Variants in L3MBTL4 observed in about 807,000 individuals in gnomAD.
L3MBTL4 encodes L3MBTL histone methyl-lysine binding protein 4, also known as lethal(3)malignant brain tumor-like protein 4.
L3MBTL4 carries 70 observed loss-of-function variants against 84.5 expected under a neutral mutation model. The ratio of observed to expected loss-of-function variants is 0.83; its 90% CI spans 0.68 to 1.01. The LOEUF is 1.01. L3MBTL4 is among the 50% of genes least tolerant of loss of function. The pLI is 0.00. For synonymous variants in L3MBTL4, 274 were observed against 259.8 expected, an observed-to-expected ratio of 1.05 and a Z score of -0.52; for missense variants, 715 against 754.8, an observed-to-expected ratio of 0.95 and a Z score of 0.62.
chr18:6,138,680 T>A (rs1479602582), intron 13 of L3MBTL4, among the ~76,000 whole-genome samples: 1 of 152,100 alleles, frequency 6.6e-6, no homozygotes, highest in Non-Finnish European at 1.5e-5. Flanking sequence ...GCCTCCTGAG[T>A]AGCTGGAATT....
chr18:5,958,114 AG>A (rs1457914264), intron 18 of L3MBTL4, among the ~76,000 whole-genome samples: 8 of 67,590 alleles, frequency 1.2e-4, no homozygotes, highest in Middle Eastern at 6.0e-3. Context: ...AAGAAGAAGA[AG>A]AAGAAGAAGA....
chr18:6,392,352 C>T (rs1599885063), intron 1 of L3MBTL4, among the ~76,000 whole-genome samples: 1 of 152,168 alleles, frequency 6.6e-6, no homozygotes, highest in East Asian at 1.9e-4. Flanking sequence ...AGTTCAAGAC[C>T]AGCCTGGCCA....
In L3MBTL4 at chr18:6,093,514, G is replaced by C. The variant is rs751857358; in HGVS notation, c.1214C>G (p.Pro405Arg). Residue 405 changes from proline (P) to arginine (R), a missense_variant, in exon 15 of 19, where the codon CCG becomes CGG. Coordinates refer to ENST00000317931, the MANE Select transcript of L3MBTL4 (RefSeq NM_001330559.2). ...CTTTTTCAAGTTCATGTCTGAATACGGGCAGCCAAAAGCACTGGTTTGTAT... is the reference window on the plus strand; with the variant it reads ...CTTTTTCAAGTTCATGTCTGAATACCGGCAGCCAAAAGCACTGGTTTGTAT... ...YSGHHSAFGC[P>R]YSDMNLKKEA... 1.2e-6 allele frequency: 2 copies of C among 1,612,588 alleles called. No individual in the cohort carries two copies. Among genetic ancestry groups the C allele is most frequent in the African/African-American group, 2.7e-5 (2 of 74,862 alleles).
intron 16 of L3MBTL4, among the ~76,000 whole-genome samples, chr18:5,979,022 C>T (rs1009146865): frequency 6.6e-6 from 1 of 152,188 alleles, no homozygotes; most frequent in African/African-American, 2.4e-5. Context: ...CCCGGCACAG[C>T]ACCTGGTACA....
At chr18:6,225,637 G>A (rs959969140) in intron 10 of L3MBTL4, among the ~76,000 whole-genome samples, 4 of 151,764 alleles carry the variant, frequency 2.6e-5, no homozygotes, top group African/African-American at 7.3e-5. Flanking sequence ...GTACACACCT[G>A]TAGTCCCAGC....
intron 12 of L3MBTL4, among the ~76,000 whole-genome samples, chr18:6,198,347 A>G (rs2045499082): frequency 6.6e-6 from 1 of 152,186 alleles, no homozygotes; most frequent in African/African-American, 2.4e-5. Context: ...TTTACCAGAG[A>G]AAGAGAGAAC....
rs540183711 is a variant in L3MBTL4, at chr18:5,992,108, G to T, written c.1445-22546C>A. 5.9e-5 allele frequency among the ~76,000 whole-genome samples: 9 copies of T among 152,306 alleles called. No individual in the cohort carries two copies. The East Asian group carries it at 1.7e-3, about 29-fold the overall frequency. ...TTTACCCTCATGAACTCATGGTCCA[G>T]CAGGAAGGGCATATGTGGAAAGAAT... is the stretch of plus-strand genomic sequence containing the variant. On this transcript the variant is annotated intron_variant, in intron 16 of 18. Transcript: ENST00000317931.
chr18:6,253,857 T>C (rs1330938269), intron 5 of L3MBTL4, among the ~76,000 whole-genome samples: 1 of 152,260 alleles, frequency 6.6e-6, no homozygotes, highest in Non-Finnish European at 1.5e-5. Flanking sequence ...TTACCTGAGT[T>C]AACAGTGGCA....
chr18:6,201,968 T>C (rs749804014), intron 12 of L3MBTL4, among the ~76,000 whole-genome samples: 69 of 152,308 alleles, frequency 4.5e-4, no homozygotes, highest in South Asian at 6.2e-4. Context: ...AGCCTAAAGG[T>C]TTCTCTGTAC....
intron 1 of L3MBTL4, among the ~76,000 whole-genome samples, chr18:6,345,625 GA>G (rs2052860346): frequency 1.3e-5 from 2 of 151,738 alleles, no homozygotes; most frequent in Admixed American, 6.6e-5. Flanking sequence ...CCAAGAGGGT[GA>G]AAAATCTACA....
intron 1 of L3MBTL4, among the ~76,000 whole-genome samples, chr18:6,357,678 G>GA (rs935419481): frequency 9.9e-5 from 15 of 151,290 alleles, no homozygotes; most frequent in South Asian, 2.1e-4. Flanking sequence ...CAAGACTTTT[G>GA]AAAAAAAACA....
intron 16 of L3MBTL4, among the ~76,000 whole-genome samples, chr18:5,995,602 A>C (rs927643218): frequency 1.3e-5 from 2 of 152,240 alleles, no homozygotes; most frequent in African/African-American, 4.8e-5. Flanking sequence ...TATTTCACCC[A>C]TGCGACCAAG....
At chr18:6,235,104 TG>T (rs1050921278) in intron 10 of L3MBTL4, among the ~76,000 whole-genome samples, 1 of 151,936 alleles carries the variant, frequency 6.6e-6, no homozygotes, top group Non-Finnish European at 1.5e-5. Flanking sequence ...CACTCATAGG[TG>T]GGAATTGAAC....
chr18:6,260,039 A>C (rs2048327878), intron 5 of L3MBTL4: 1 of 152,186 alleles, frequency 6.6e-6, no homozygotes, highest in African/African-American at 2.4e-5. Flanking sequence ...CATTTATTGA[A>C]TAGGGAGTCC....
chr18:6,228,052 G>C (rs1380868846), intron 10 of L3MBTL4, among the ~76,000 whole-genome samples: 1 of 152,064 alleles, frequency 6.6e-6, no homozygotes, highest in Admixed American at 6.6e-5. Context: ...TTGACAACGT[G>C]GTATTAATGT....
chr18:6,192,022 G>T (rs1317927467), intron 12 of L3MBTL4, among the ~76,000 whole-genome samples: 2 of 149,636 alleles, frequency 1.3e-5, no homozygotes, highest in Non-Finnish European at 3.0e-5. Flanking sequence ...AAAAAAGAAA[G>T]AAAGAAAGAA....
intron 1 of L3MBTL4, among the ~76,000 whole-genome samples, chr18:6,340,275 C>A (rs972449788): frequency 6.6e-6 from 1 of 152,136 alleles, no homozygotes. Context: ...GTGAGAACCC[C>A]AGAGTCTAGC....
chr18:6,152,610 G>T (rs1326680795), intron 13 of L3MBTL4, among the ~76,000 whole-genome samples: 3 of 151,962 alleles, frequency 2.0e-5, no homozygotes, highest in African/African-American at 7.3e-5. Context: ...TTGGTTTTTT[G>T]CTATTGAGTT....
At chr18:6,217,874 G>A (rs908797465) in intron 10 of L3MBTL4, among the ~76,000 whole-genome samples, 1 of 151,846 alleles carries the variant, frequency 6.6e-6, no homozygotes, top group African/African-American at 2.4e-5. Flanking sequence ...TTTACCCATC[G>A]TTTTTACTTT....
Sources: allele counts gnomAD v4.1 joint callset (sites outside exome capture counted in the v4.1 genomes callset), GRCh38; gene constraint gnomAD v4.1.1; transcripts MANE v1.5; gene names NCBI Gene and HGNC (gene_info 2026-07-23, HGNC 2026-07-21).